PAK3: variants seen among roughly 807,000 people sequenced by gnomAD.
The protein encoded by PAK3 is serine/threonine-protein kinase PAK 3.
Under a neutral mutation model 41.0 loss-of-function variants are expected in PAK3, and 4 were observed. The observed-to-expected ratio is 0.10, with a 90% CI of 0.05 to 0.22. PAK3 has a LOEUF of 0.22. PAK3 is among the 10% of genes least tolerant of loss of function. PAK3 has a pLI of 1.00. For missense variants in PAK3, 205 were observed against 409.9 expected (o/e 0.50, Z 4.32); for synonymous variants, 146 against 139.6 (o/e 1.05, Z -0.32).
Position 111,173,024 on chromosome X carries a change from T to C in PAK3, c.773T>C (p.Ile258Thr). ...DEEILEKLRS[I>T]VSVGDPKKKY... is the part of the protein sequence containing the mutation. ...CTCCCCACCCATCTCTTAGGAAGCATTGTGAGTGTTGGGGACCCAAAGAAA... is the reference window on the plus strand; with the variant it reads ...CTCCCCACCCATCTCTTAGGAAGCACTGTGAGTGTTGGGGACCCAAAGAAA... Residue 258 changes from isoleucine (I) to threonine (T), a missense_variant, in exon 11 of 18, where the codon ATT (isoleucine) becomes ACT (threonine). This residue lies in a region of PAK3 where 75 missense variants were observed against 91.9 expected (regional missense o/e 0.82). Coordinates refer to ENST00000372007, the MANE Select transcript of PAK3 (RefSeq NM_002578.5). 1 of 1,114,973 alleles carries C rather than the reference T, an allele frequency of 9.0e-7. No individual in the cohort carries two copies. The highest frequency in any genetic ancestry group is 1.2e-6 in the Non-Finnish European group (1 of 809,111). The allele number at this position is 1,114,973 out of a possible 1,213,427, so 91.9% of individuals were successfully genotyped here. A position where few individuals can be genotyped will look rare whatever the true frequency, so the allele number is the denominator to read the frequency against.
At chrX:110,987,977 G>C (rs1226914636) in intron 1 of PAK3, among the ~76,000 whole-genome samples, 2 of 112,261 alleles carry the variant, frequency 1.8e-5, no homozygotes, top group African/African-American at 6.5e-5. Flanking sequence ...GGGTTGTTGT[G>C]GGAATTTAAG....
At chrX:111,113,622 C>T (rs1429901293) in intron 4 of PAK3, among the ~76,000 whole-genome samples, 1 of 111,754 alleles carries the variant, frequency 8.9e-6, no homozygotes, top group African/African-American at 3.3e-5. Flanking sequence ...ATATGACATA[C>T]TTTTTTTAAA....
intron 1 of PAK3, among the ~76,000 whole-genome samples, chrX:111,076,691 G>A (rs1447469018): frequency 8.9e-6 from 1 of 111,954 alleles, no homozygotes; most frequent in Non-Finnish European, 1.9e-5. Flanking sequence ...TGAAGGTCAT[G>A]TATGACAAAC....
intron 1 of PAK3, among the ~76,000 whole-genome samples, chrX:110,955,994 T>C (rs144865806): frequency 1.8e-5 from 2 of 112,322 alleles, no homozygotes; most frequent in African/African-American, 6.5e-5. Flanking sequence ...TCTTGGAAAG[T>C]TTCTTAACCA....
chrX:111,182,092 G>T (rs2094467943), intron 11 of PAK3, among the ~76,000 whole-genome samples: 1 of 111,556 alleles, frequency 9.0e-6, no homozygotes, highest in Admixed American at 9.5e-5. Flanking sequence ...CATTAGCAGA[G>T]TTTGCACGTT....
At chrX:111,081,543 G>A (rs2092835154) in intron 1 of PAK3, among the ~76,000 whole-genome samples, 1 of 110,034 alleles carries the variant, frequency 9.1e-6, no homozygotes, top group Non-Finnish European at 1.9e-5. Flanking sequence ...TAGAAATGGA[G>A]CCTGAAAAAT....
At chrX:111,117,326 A>T (rs1452977009) in intron 4 of PAK3, among the ~76,000 whole-genome samples, 1 of 111,668 alleles carries the variant, frequency 9.0e-6, no homozygotes, top group Non-Finnish European at 1.9e-5. Context: ...AAGGGAACTG[A>T]TGAGTTTAGG....
intron 8 of PAK3, among the ~76,000 whole-genome samples, chrX:111,160,623 C>CA (rs1159365900): frequency 9.2e-6 from 1 of 108,291 alleles, no homozygotes; most frequent in Admixed American, 9.8e-5. Flanking sequence ...CCGCTCCCCC[C>CA]ACCCCACAAC....
chrX:111,138,982 AAAC>A (rs1223701427), intron 5 of PAK3, among the ~76,000 whole-genome samples: 1 of 109,581 alleles, frequency 9.1e-6, no homozygotes, highest in East Asian at 2.9e-4. Context: ...ACAAACAAAC[AAAC>A]AACAACACAC....
rs2094614833 is a variant in PAK3, at chrX:111,196,605, G to A, written c.1372G>A (p.Gly458Ser). 1 of 1,198,299 alleles carries A rather than the reference G, an allele frequency of 8.3e-7. No homozygotes were observed. Among genetic ancestry groups the A allele is most frequent in the African/African-American group, 1.8e-5 (1 of 56,627 alleles). ...LGIMAIEMVE[G>S]EPPYLNENPL... ...AATTATGGCAATTGAAATGGTGGAA[G>A]GTGAACCCCCTTACCTTAATGAAAA... The change falls in exon 16 of 18, where the codon GGT (glycine) becomes AGT (serine). Residue 458 changes from glycine (G) to serine (S), a missense_variant. Transcript: ENST00000372007.
intron 1 of PAK3, among the ~76,000 whole-genome samples, chrX:111,040,071 A>G (rs1191828326): frequency 9.1e-6 from 1 of 110,320 alleles, no homozygotes; most frequent in African/African-American, 3.3e-5. Flanking sequence ...TCAGAGAAGT[A>G]GAAGGTGGAG....
rs779033667 is a variant in PAK3 at position 110,960,015 on chromosome X, CT to C, written c.-28+15391del. 1.0e-3 allele frequency among the ~76,000 whole-genome samples: 114 copies of C among 112,199 alleles called. 1 individual carries two copies. Among genetic ancestry groups the C allele is most frequent in the African/African-American group, 3.6e-3 (110 of 30,865 alleles). ...CTCTTGTCTTCCTCATGTACCCACA[CT>C]TTTCCTAAATGTTTAATACTTGGTT... On this transcript the variant is annotated intron_variant, in intron 1 of 14. Coordinates refer to the PAK3 transcript ENST00000425146.
chrX:110,958,006 C>A (rs760731038), intron 1 of PAK3, among the ~76,000 whole-genome samples: 1 of 111,746 alleles, frequency 8.9e-6, no homozygotes, highest in South Asian at 3.8e-4. Context: ...GTAGGAGAGA[C>A]AATAGCAGGG....
chrX:111,173,503 G>A (rs115745601), intron 11 of PAK3, among the ~76,000 whole-genome samples: 2,159 of 111,184 alleles, frequency 0.019, 60 homozygotes, highest in African/African-American at 0.067. Flanking sequence ...ACTGAGGGTG[G>A]GGAATGTCCT....
At chrX:111,072,485 T>C (rs1386414235) in intron 1 of PAK3, among the ~76,000 whole-genome samples, 1 of 112,533 alleles carries the variant, frequency 8.9e-6, no homozygotes, top group Non-Finnish European at 1.9e-5. Flanking sequence ...TCTTCAGAGC[T>C]TTCTAGAGTT....
intron 16 of PAK3, among the ~76,000 whole-genome samples, chrX:111,200,007 A>G (rs1446027373): frequency 9.0e-6 from 1 of 111,479 alleles, no homozygotes; most frequent in Non-Finnish European, 1.9e-5. Flanking sequence ...TTGTTTAAAA[A>G]AGAAAATATG....
intron 1 of PAK3, among the ~76,000 whole-genome samples, chrX:111,037,630 T>A (rs986748996): frequency 7.2e-5 from 8 of 111,746 alleles, no homozygotes; most frequent in Non-Finnish European, 1.1e-4. Context: ...CCTAGTATAG[T>A]GCCTGTTACA....
chrX:111,000,537 C>A (rs1317857843), intron 1 of PAK3, among the ~76,000 whole-genome samples: 1 of 111,694 alleles, frequency 9.0e-6, no homozygotes, highest in East Asian at 2.8e-4. Flanking sequence ...AATATGAGAT[C>A]CTGGATTGGA....
At position 111,096,288 on chromosome X, in the gene PAK3, G is replaced by A. The variant is rs1017080684; in HGVS notation, c.-480G>A. 2 of 111,952 alleles carry A rather than the reference G, an allele frequency of 1.8e-5. No homozygotes were observed. The highest frequency in any genetic ancestry group is 3.8e-5 in the Non-Finnish European group (2 of 53,080). The allele number at this position is 111,952 out of a possible 1,213,427, so 9.2% of individuals were successfully genotyped here. On this transcript the variant is annotated 5_prime_UTR_variant, in exon 1 of 18. Transcript: ENST00000372007. The stretch of plus-strand genomic sequence containing the variant: ...GAGCCAGTGTGCGGGGGCGGGAGAA[G>A]AGCCAGGGGGAGCGGGCTGGGCCCG...
Sources: gnomAD v4.1 joint callset for allele counts (sites outside exome capture counted in the v4.1 genomes callset) on GRCh38, gnomAD v4.1.1 for gene constraint, gnomAD v4.1.1 regional missense constraint, MANE v1.5 for transcripts, NCBI Gene and HGNC (gene_info 2026-07-23, HGNC 2026-07-21) for gene names.